CEP128: variants seen among roughly 807,000 people sequenced by gnomAD.
CEP128 encodes centrosomal protein 128kDa.
Under a neutral mutation model 156.7 loss-of-function variants are expected in CEP128, and 132 were observed. That is an observed-to-expected ratio of 0.84 (90% CI 0.73 to 0.97). CEP128 has a LOEUF of 0.97. CEP128 is among the 50% of genes least tolerant of loss of function. The pLI, the probability that CEP128 is intolerant of heterozygous loss-of-function variation, is 0.00. For synonymous variants in CEP128, 469 were observed against 448.9 expected (o/e 1.04, Z -0.57); for missense variants, 1,252 against 1,281.9 (o/e 0.98, Z 0.36).
intron 18 of CEP128, among the ~76,000 whole-genome samples, chr14:80,753,961 C>A (rs1306300793): frequency 6.6e-6 from 1 of 152,202 alleles, no homozygotes; most frequent in Non-Finnish European, 1.5e-5. Context: ...GACTCTCACT[C>A]TATCTCACTG....
intron 20 of CEP128, among the ~76,000 whole-genome samples, chr14:80,576,567 C>A (rs1374480647): frequency 6.6e-6 from 1 of 152,068 alleles, no homozygotes; most frequent in African/African-American, 2.4e-5. Context: ...AGGCTCCACC[C>A]CCCCTGCCGT....
At chr14:80,654,159 G>A (rs747418495) in intron 19 of CEP128, among the ~76,000 whole-genome samples, 16 of 152,246 alleles carry the variant, frequency 1.1e-4, no homozygotes, top group Non-Finnish European at 2.2e-4. Flanking sequence ...AATCCCTGCT[G>A]GGTGTTATAT....
chr14:80,503,418 T>C (rs981917782), intron 24 of CEP128, among the ~76,000 whole-genome samples: 1 of 152,204 alleles, frequency 6.6e-6, no homozygotes, highest in East Asian at 1.9e-4. Flanking sequence ...CTGCCTATCA[T>C]AGTACTAAAT....
At chr14:80,916,636 A>T in intron 2 of CEP128, 74 bp from the exon 3 acceptor site, 1 of 1,187,662 alleles carries the variant, frequency 8.4e-7, no homozygotes, top group Non-Finnish European at 1.2e-6. Flanking sequence ...ACAACAGTTT[A>T]CTTTTGATCT....
chr14:80,585,379 G>A (rs1891778333), intron 19 of CEP128, among the ~76,000 whole-genome samples: 1 of 152,212 alleles, frequency 6.6e-6, no homozygotes, highest in Non-Finnish European at 1.5e-5. Context: ...TGGTAGCCAA[G>A]AAGCAGATAG....
chr14:80,891,399 G>T (rs1889092212), intron 8 of CEP128, among the ~76,000 whole-genome samples: 1 of 151,990 alleles, frequency 6.6e-6, no homozygotes, highest in Non-Finnish European at 1.5e-5. Context: ...CCTGTGATTT[G>T]CAAAAACATG....
chr14:80,785,245 T>C lies in CEP128; in HGVS notation c.1861A>G (p.Lys621Glu), dbSNP rs977976160. The part of the protein sequence containing the change: ...HLEEEIAELK[K>E]SQAQDKAKLL... ...TTAGCTTTGTCCTGGGCCTGGCTCT[T>C]CTTGAGCTCTGCAATTTCTTCCTCC... is the stretch of plus-strand genomic sequence containing the variant. Residue 621 changes from lysine to glutamate, a missense_variant, in exon 15 of 25, where the codon AAG becomes GAG. Physicochemically the swap from Lys to Glu is moderately conservative, Grantham distance 56 (BLOSUM62 1). Coordinates refer to ENST00000555265, the MANE Select transcript of CEP128 (RefSeq NM_152446.5). 6.2e-7 allele frequency: 1 copy of C among 1,614,178 alleles called. No homozygotes were observed. The highest frequency in any genetic ancestry group is 8.5e-7 in the Non-Finnish European group (1 of 1,180,014).
At chr14:80,705,582 T>G (rs1281702833) in intron 19 of CEP128, among the ~76,000 whole-genome samples, 1 of 152,172 alleles carries the variant, frequency 6.6e-6, no homozygotes, top group Non-Finnish European at 1.5e-5. Flanking sequence ...TCCTTTCCCC[T>G]TGAATGTGGG....
intron 19 of CEP128, among the ~76,000 whole-genome samples, chr14:80,679,626 T>C (rs750597461): frequency 2.6e-5 from 4 of 152,196 alleles, no homozygotes; most frequent in Admixed American, 6.5e-5. Flanking sequence ...CAGCTAAACA[T>C]AGACCCTTAT....
Position 80,696,428 on chromosome 14 carries a change from A to G in CEP128, c.2806+46647T>C, listed in dbSNP as rs138913627. Among the ~76,000 whole-genome samples the G allele has an allele frequency of 5.5e-4, 84 of 152,306 alleles. 1 individual carries two copies. Among genetic ancestry groups the G allele is most frequent in the Middle Eastern group, 3.4e-3 (1 of 294 alleles). ...CATCAGGGTAGAGATTAAGTCTCCCAGGGAGAACATGAGATATGAAAAGAT... is the reference window on the plus strand; with the variant it reads ...CATCAGGGTAGAGATTAAGTCTCCCGGGGAGAACATGAGATATGAAAAGAT... On this transcript the variant is annotated intron_variant, in intron 19 of 24. Transcript: ENST00000555265.
intron 13 of CEP128, chr14:80,822,912 T>C: frequency 3.9e-6 from 2 of 512,302 alleles, no homozygotes; most frequent in Non-Finnish European, 7.2e-6. Context: ...GCTATGTTGT[T>C]AGCACACAGA....
At chr14:80,551,884 A>ATT (rs1460540982) in intron 21 of CEP128, among the ~76,000 whole-genome samples, 1 of 152,212 alleles carries the variant, frequency 6.6e-6, no homozygotes, top group African/African-American at 2.4e-5. Flanking sequence ...AAGGACAAGA[A>ATT]GCCTTACCCC....
At chr14:80,485,728 T>C (rs528157965), downstream of CEP128, among the ~76,000 whole-genome samples, 6 of 152,268 alleles carry the variant, frequency 3.9e-5, no homozygotes, top group African/African-American at 2.4e-5. Flanking sequence ...GGATAGATGA[T>C]TGAATTAAGG....
intron 20 of CEP128, among the ~76,000 whole-genome samples, chr14:80,578,974 G>T (rs1350358278): frequency 6.6e-6 from 1 of 152,022 alleles, no homozygotes; most frequent in African/African-American, 2.4e-5. Flanking sequence ...GCACTGGATG[G>T]ACATTTCAGT....
At chr14:80,477,640 C>G (rs140669855) in exon 15 of CEP128, 1 of 152,126 alleles carries the variant, frequency 6.6e-6, no homozygotes, top group Non-Finnish European at 1.5e-5. Context: ...GAAAGCTTAG[C>G]GAGTTCTAAG....
At chr14:80,524,255 C>A (rs1018898217) in intron 23 of CEP128, among the ~76,000 whole-genome samples, 6 of 152,156 alleles carry the variant, frequency 3.9e-5, no homozygotes, top group Admixed American at 1.3e-4. Flanking sequence ...TTTCCTGGAA[C>A]TGTAGTTTTC....
intron 6 of CEP128, 125 bp downstream of exon 6, chr14:80,904,688 G>A: frequency 1.5e-6 from 1 of 670,146 alleles, no homozygotes; most frequent in Non-Finnish European, 2.7e-6. Context: ...AAAGGGATCA[G>A]TATAAAGTTA....
chr14:80,760,936 C>A (rs1899931489), intron 17 of CEP128, among the ~76,000 whole-genome samples: 1 of 152,082 alleles, frequency 6.6e-6, no homozygotes, highest in Admixed American at 6.5e-5. Context: ...TAGCATTTAA[C>A]CAGATGTACA....
At chr14:80,527,307 G>A (rs1185409860) in intron 22 of CEP128, 2 of 430,318 alleles carry the variant, frequency 4.6e-6, no homozygotes, top group African/African-American at 2.0e-5. Flanking sequence ...GTGCATGGCT[G>A]TAGTCCCAGC....
Sources: gnomAD v4.1 joint callset for allele counts (sites outside exome capture counted in the v4.1 genomes callset) on GRCh38, gnomAD v4.1.1 for gene constraint, MANE v1.5 for transcripts, NCBI Gene and HGNC (gene_info 2026-07-23, HGNC 2026-07-21) for gene names.